Variants in FGF7 observed in about 807,000 individuals in gnomAD.
FGF7 encodes the protein FGF-7.
In FGF7, 6 loss-of-function variants were observed where a neutral mutation model predicts 20.5. The ratio of observed to expected loss-of-function variants is 0.29; its 90% confidence interval spans 0.16 to 0.58. The LOEUF is 0.58. FGF7 is among the 20% of genes least tolerant of loss of function. The pLI is 0.90. For synonymous variants in FGF7, 64 were observed against 74.7 expected (o/e 0.86, Z 0.74); for missense variants, 144 against 228.8 (o/e 0.63, Z 2.39).
chr15:49,428,079 T>C (rs1208619924), intron 2 of FGF7, among the ~76,000 whole-genome samples: 2 of 151,876 alleles, frequency 1.3e-5, no homozygotes, highest in African/African-American at 2.4e-5. Context: ...AGTAGACATA[T>C]AAATAAGAAC....
intron 2 of FGF7, among the ~76,000 whole-genome samples, chr15:49,462,093 T>G (rs1476996694): frequency 6.6e-6 from 1 of 152,062 alleles, no homozygotes; most frequent in East Asian, 1.9e-4. Flanking sequence ...TACTCCAGCC[T>G]GGGTGACAGA....
chr15:49,438,409 G>C (rs538747239), intron 2 of FGF7, among the ~76,000 whole-genome samples: 1 of 151,652 alleles, frequency 6.6e-6, no homozygotes, highest in African/African-American at 2.4e-5. Context: ...CCATTGCTTT[G>C]TTCCACCCAG....
chr15:49,444,836 T>TA (rs2052032014), intron 2 of FGF7, among the ~76,000 whole-genome samples: 2 of 151,812 alleles, frequency 1.3e-5, no homozygotes, highest in South Asian at 4.1e-4. Flanking sequence ...TACTTTGAGC[T>TA]AAAAAAATAA....
chr15:49,470,675 T>C (rs900217946), intron 2 of FGF7, among the ~76,000 whole-genome samples: 1 of 152,222 alleles, frequency 6.6e-6, no homozygotes, highest in African/African-American at 2.4e-5. Flanking sequence ...AAAATGGGCA[T>C]AGCAAGAGGA....
chr15:49,437,529 G>A (rs1335467849), intron 2 of FGF7, among the ~76,000 whole-genome samples: 1 of 151,410 alleles, frequency 6.6e-6, no homozygotes, highest in Non-Finnish European at 1.5e-5. Flanking sequence ...ATTTTTTTGG[G>A]GTGTGATTCT....
chr15:49,446,107 G>T (rs1272208041), intron 2 of FGF7, among the ~76,000 whole-genome samples: 1 of 151,512 alleles, frequency 6.6e-6, no homozygotes, highest in African/African-American at 2.4e-5. Context: ...TTTAAGTAAA[G>T]ATGAAGTAAT....
At chr15:49,446,428 G>A (rs1007282859) in intron 2 of FGF7, among the ~76,000 whole-genome samples, 1 of 151,566 alleles carries the variant, frequency 6.6e-6, no homozygotes, top group Admixed American at 6.6e-5. Flanking sequence ...GGTAAGTTAC[G>A]ATAGTTGCTA....
chr15:49,472,591 C>A (rs1399108628), intron 2 of FGF7, among the ~76,000 whole-genome samples: 1 of 152,048 alleles, frequency 6.6e-6, no homozygotes, highest in Non-Finnish European at 1.5e-5. Flanking sequence ...AAGTTGGGAA[C>A]AATTAAAAGT....
chr15:49,429,966 C>T (rs553950166), intron 2 of FGF7, among the ~76,000 whole-genome samples: 11 of 151,904 alleles, frequency 7.2e-5, no homozygotes, highest in South Asian at 2.1e-4. Context: ...CCTGGACCAC[C>T]TCAGGGGTCT....
At position 49,488,732 on chromosome 15, in the gene FGF7, T is replaced by A. The variant is rs982512526; in HGVS notation, c.*4228T>A. The A allele has an allele frequency of 1.5e-4, 23 of 152,052 alleles. No individual in the cohort carries two copies. Among genetic ancestry groups the A allele is most frequent in the African/African-American group, 5.1e-4 (21 of 41,436 alleles). 9.4% of individuals were successfully genotyped at this position (152,052 alleles called of 1,614,324 possible). On this transcript the variant is annotated 3_prime_UTR_variant, in exon 4 of 4. Transcript: ENST00000267843. ...GATGAATCCTTCCATGTGTTAGTTA[T>A]CTATTGCTGTGTAACAAATTAAAAC...
intron 2 of FGF7, among the ~76,000 whole-genome samples, chr15:49,451,477 GTATA>G (rs2052737320): frequency 6.6e-6 from 1 of 151,970 alleles, no homozygotes; most frequent in African/African-American, 2.4e-5. Context: ...AAATCTATAT[GTATA>G]TATAGATTAT....
At chr15:49,465,466 A>G (rs1193586449) in intron 2 of FGF7, among the ~76,000 whole-genome samples, 2 of 152,088 alleles carry the variant, frequency 1.3e-5, no homozygotes, top group Non-Finnish European at 2.9e-5. Flanking sequence ...TGTTAGGAGC[A>G]AGATAGATAA....
In FGF7 at chr15:49,433,548, A is replaced by G. The variant is rs551900163; in HGVS notation, c.286+8965A>G. Among the ~76,000 whole-genome samples, 4 of 151,904 alleles carry G rather than the reference A, an allele frequency of 2.6e-5. No homozygotes were observed. The East Asian group carries it at 7.8e-4, about 30-fold the overall frequency. ...GAATTAAAAGCCTTGCTGAAATAAA[A>G]GAGAAATACACCTCACTTCCCTCTC... On this transcript the variant is annotated intron_variant, in intron 2 of 3. Coordinates refer to ENST00000267843, the MANE Select transcript of FGF7 (RefSeq NM_002009.4).
chr15:49,472,663 T>G (rs1290970161), intron 2 of FGF7, among the ~76,000 whole-genome samples: 1 of 152,198 alleles, frequency 6.6e-6, no homozygotes, highest in Non-Finnish European at 1.5e-5. Flanking sequence ...AACATCACAA[T>G]GAATGACATT....
chr15:49,448,819 C>G (rs2151873715), intron 2 of FGF7, among the ~76,000 whole-genome samples: 1 of 151,884 alleles, frequency 6.6e-6, no homozygotes, highest in Non-Finnish European at 1.5e-5. Context: ...CAAAACTTTT[C>G]TTGAAGCTCT....
At chr15:49,455,279 A>G (rs1385877391) in intron 2 of FGF7, among the ~76,000 whole-genome samples, 3 of 152,132 alleles carry the variant, frequency 2.0e-5, no homozygotes, top group Non-Finnish European at 4.4e-5. Context: ...GGTATCCCTA[A>G]TGTATAGCGC....
In FGF7 at chr15:49,477,599, C is replaced by T. The variant is rs1247217799; in HGVS notation, c.287-5552C>T. On this transcript the variant is annotated intron_variant, in intron 2 of 3. Transcript: ENST00000267843. ...ATTTACCTATTGGATATGTGGGTTG[C>T]GTCTGGTTTTTGATGATACGAATAA... Among the ~76,000 whole-genome samples, 9 of 152,086 alleles carry T rather than the reference C, an allele frequency of 5.9e-5. No homozygotes were observed. The East Asian group carries it at 9.6e-4, about 16-fold the overall frequency.
intron 2 of FGF7, among the ~76,000 whole-genome samples, chr15:49,462,276 A>G (rs1448137073): frequency 6.6e-6 from 1 of 152,200 alleles, no homozygotes; most frequent in African/African-American, 2.4e-5. Context: ...TGGTCTCATT[A>G]TTTAAAATAT....
At chr15:49,447,844 G>A (rs755078628) in intron 2 of FGF7, among the ~76,000 whole-genome samples, 1 of 151,648 alleles carries the variant, frequency 6.6e-6, no homozygotes, top group Non-Finnish European at 1.5e-5. Context: ...TTCACAGAAC[G>A]AGAATGAATT....
Sources: allele counts gnomAD v4.1 joint callset (sites outside exome capture counted in the v4.1 genomes callset), GRCh38; gene constraint gnomAD v4.1.1; transcripts MANE v1.5; gene names NCBI Gene and HGNC (gene_info 2026-07-23, HGNC 2026-07-21).